The following CACNA2D1 variants were observed in gnomAD, a reference collection of about 807,000 sequenced individuals.
CACNA2D1 encodes calcium voltage-gated channel auxiliary subunit alpha2delta 1.
CACNA2D1 carries 53 observed loss-of-function variants against 171.5 expected under a neutral mutation model. That is an observed-to-expected ratio of 0.31 (90% CI 0.25 to 0.39). The LOEUF is 0.39. Ranked by LOEUF, CACNA2D1 falls within the 10% of genes least tolerant of loss-of-function variation. The pLI, the probability that CACNA2D1 is intolerant of heterozygous loss-of-function variation, is 1.00. For missense variants in CACNA2D1, 903 were observed against 1,299.8 expected, an observed-to-expected ratio of 0.69 and a Z score of 4.69; for synonymous variants, 442 against 443.1, an observed-to-expected ratio of 1.00 and a Z score of 0.03.
chr7:82,350,498 T>C (rs1819731483), intron 1 of CACNA2D1, among the ~76,000 whole-genome samples: 1 of 152,064 alleles, frequency 6.6e-6, no homozygotes, highest in South Asian at 2.1e-4. Context: ...ACCCCGTCTC[T>C]ACTAAAAATA....
intron 1 of CACNA2D1, among the ~76,000 whole-genome samples, chr7:82,411,034 T>G (rs1170804465): frequency 4.6e-5 from 7 of 152,250 alleles, no homozygotes; most frequent in Admixed American, 3.3e-4. Context: ...CTTTAATACT[T>G]TATATATTCT....
intron 12 of CACNA2D1, among the ~76,000 whole-genome samples, chr7:82,017,548 C>T (rs1209891810): frequency 6.6e-6 from 1 of 151,926 alleles, no homozygotes; most frequent in African/African-American, 2.4e-5. Flanking sequence ...GTGGAATAGT[C>T]AATGAACTAA....
intron 7 of CACNA2D1, among the ~76,000 whole-genome samples, chr7:82,073,514 T>C (rs1313607272): frequency 4.6e-5 from 7 of 152,210 alleles, no homozygotes; most frequent in Non-Finnish European, 1.0e-4. Flanking sequence ...TCTATTGTAA[T>C]ATACATAAAA....
At chr7:82,091,094 C>A (rs1811101794) in intron 6 of CACNA2D1, among the ~76,000 whole-genome samples, 1 of 152,184 alleles carries the variant, frequency 6.6e-6, no homozygotes, top group South Asian at 2.1e-4. Context: ...AAAAAAGAAT[C>A]CACTTTAAGG....
chr7:82,192,465 TGTGTGTGTG>T (rs1563182485), intron 3 of CACNA2D1, among the ~76,000 whole-genome samples: 12 of 1,678 alleles, frequency 7.2e-3, no homozygotes, highest in South Asian at 0.023. Flanking sequence ...TGTGTTTGTG[TGTGTGTGTG>T]TGTGTGTGTG....
chr7:82,314,943 A>G (rs1814925037), intron 3 of CACNA2D1, among the ~76,000 whole-genome samples: 1 of 147,156 alleles, frequency 6.8e-6, no homozygotes, highest in South Asian at 2.2e-4. Flanking sequence ...CAAAAACTTC[A>G]TCTCTCCTGC....
intron 5 of CACNA2D1, among the ~76,000 whole-genome samples, chr7:82,123,682 G>C (rs928481284): frequency 1.6e-4 from 24 of 152,154 alleles, no homozygotes; most frequent in African/African-American, 5.5e-4. Context: ...TCCCTACTCT[G>C]ACAAATCCAA....
intron 18 of CACNA2D1, among the ~76,000 whole-genome samples, chr7:82,002,650 A>T (rs1798725645): frequency 1.3e-5 from 2 of 152,196 alleles, no homozygotes; most frequent in African/African-American, 4.8e-5. Flanking sequence ...AAAATGAGAT[A>T]TCTAATTAAG....
chr7:82,393,083 A>AAGGAAGGAAGGCAGGCAGGC (rs1208617777), intron 1 of CACNA2D1, among the ~76,000 whole-genome samples: 2 of 82,368 alleles, frequency 2.4e-5, no homozygotes, highest in African/African-American at 1.1e-4. Context: ...GGAAGGAAGG[A>AAGGAAGGAAGGCAGGCAGGC]AGGCAGGCAG....
At chr7:81,959,655 G>A in intron 37 of CACNA2D1, 65 bp downstream of exon 37, 1 of 1,484,682 alleles carries the variant, frequency 6.7e-7, no homozygotes, top group Admixed American at 1.8e-5. Flanking sequence ...TATAAACAAT[G>A]TGACAAGATT....
intron 3 of CACNA2D1, among the ~76,000 whole-genome samples, chr7:82,268,578 G>C (rs1808220428): frequency 6.6e-6 from 1 of 151,960 alleles, no homozygotes; most frequent in Admixed American, 6.6e-5. Context: ...CAAAACAGAA[G>C]AGTTAATTAT....
intron 1 of CACNA2D1, among the ~76,000 whole-genome samples, chr7:82,389,644 A>G (rs561120386): frequency 6.6e-6 from 1 of 152,234 alleles, no homozygotes; most frequent in South Asian, 2.1e-4. Context: ...CCTCATTCTT[A>G]CTTGATGTAT....
At chr7:82,009,492 A>G (rs1799499525) in intron 15 of CACNA2D1, among the ~76,000 whole-genome samples, 1 of 152,132 alleles carries the variant, frequency 6.6e-6, no homozygotes, top group African/African-American at 2.4e-5. Flanking sequence ...CTGGTATCCA[A>G]AAGATAATTT....
chr7:82,254,879 T>C (rs1806109513), intron 3 of CACNA2D1, among the ~76,000 whole-genome samples: 1 of 152,194 alleles, frequency 6.6e-6, no homozygotes, highest in East Asian at 1.9e-4. Flanking sequence ...CATTACCTTG[T>C]TTAATTACCC....
At chr7:81,983,276 C>T in intron 23 of CACNA2D1, 38 bp downstream of exon 23, 2 of 1,560,656 alleles carry the variant, frequency 1.3e-6, no homozygotes, top group Non-Finnish European at 1.8e-6. Flanking sequence ...GTCAAGTGTA[C>T]TAAACAGAAA....
chr7:82,339,438 T>C (rs11973223), intron 2 of CACNA2D1, among the ~76,000 whole-genome samples: 21,367 of 152,180 alleles, frequency 0.14, 2,334 homozygotes, highest in African/African-American at 0.3. Context: ...CTGAGGGACA[T>C]TTTCCCTTTG....
intron 3 of CACNA2D1, among the ~76,000 whole-genome samples, chr7:82,241,427 A>C (rs1335115894): frequency 6.6e-6 from 1 of 152,188 alleles, no homozygotes; most frequent in African/African-American, 2.4e-5. Flanking sequence ...AGCCACACTG[A>C]ATTGCTTTTT....
chr7:82,150,277 AACAAC>A (rs1793696672), intron 4 of CACNA2D1, among the ~76,000 whole-genome samples: 5 of 56,042 alleles, frequency 8.9e-5, no homozygotes, highest in Admixed American at 6.0e-4. Context: ...AAACAAAAAC[AACAAC>A]AAAAAAAAAC....
intron 3 of CACNA2D1, among the ~76,000 whole-genome samples, chr7:82,334,775 G>A (rs184441049): frequency 6.6e-6 from 1 of 152,082 alleles, no homozygotes; most frequent in African/African-American, 2.4e-5. Flanking sequence ...TAAAGAGGAT[G>A]ATAATATTCT....
Sources: gnomAD v4.1 joint callset for allele counts (sites outside exome capture counted in the v4.1 genomes callset) on GRCh38, gnomAD v4.1.1 for gene constraint, MANE v1.5 for transcripts, NCBI Gene and HGNC (gene_info 2026-07-23, HGNC 2026-07-21) for gene names.